LARS1: variants seen among roughly 807,000 people sequenced by gnomAD.
LARS1 encodes the protein leucine--tRNA ligase, cytoplasmic.
Under a neutral mutation model 162.8 loss-of-function variants are expected in LARS1, and 100 were observed. The observed-to-expected ratio is 0.61, with a 90% CI of 0.52 to 0.73. LARS1 has a LOEUF of 0.73. Among genes scored for constraint, LARS1 ranks in the 30% least tolerant of loss-of-function variants. The pLI is 0.00. For missense variants in LARS1, 1,258 were observed against 1,408.9 expected (o/e 0.89, Z 1.71); for synonymous variants, 457 against 462.8 (o/e 0.99, Z 0.16).
At chr5:146,174,571 CATATATGTATATATCCATAT>C (rs1294550391) in intron 2 of LARS1, among the ~76,000 whole-genome samples, 3,810 of 62,374 alleles carry the variant, frequency 0.061, 508 homozygotes, top group Admixed American at 0.085. Flanking sequence ...TATATATATC[CATATATGTATATATCCATAT>C]ATATATATAT....
chr5:146,125,244 T>G (rs1366558898), intron 28 of LARS1, among the ~76,000 whole-genome samples: 1 of 152,032 alleles, frequency 6.6e-6, no homozygotes, highest in Admixed American at 6.6e-5. Context: ...ACAACTTGAT[T>G]AGTGTAGGTC....
At chr5:146,116,696 C>T (rs530638984) in intron 31 of LARS1, among the ~76,000 whole-genome samples, 1 of 152,252 alleles carries the variant, frequency 6.6e-6, no homozygotes, top group Admixed American at 6.5e-5. Flanking sequence ...GCTTTCACTT[C>T]CAAGTTGTTA....
In LARS1 at chr5:146,149,601, A is replaced by G. The variant is rs556011676; in HGVS notation, c.1503+21T>C. 5.0e-5 allele frequency: 78 copies of G among 1,575,452 alleles called. No individual in the cohort carries two copies. The South Asian group carries it at 8.0e-4, about 16-fold the overall frequency. On this transcript the variant is annotated intron_variant, in intron 15 of 31. Coordinates refer to ENST00000394434, the MANE Select transcript of LARS1 (RefSeq NM_020117.11). Reference sequence around the variant, plus strand: ...TAACAGCTCTTCTAAAACAGCCTTCAGAGCATAGCCTATCACATACAGCGT... The same window carrying G: ...TAACAGCTCTTCTAAAACAGCCTTCGGAGCATAGCCTATCACATACAGCGT...
intron 20 of LARS1, among the ~76,000 whole-genome samples, chr5:146,140,866 CACAT>C (rs1410060728): frequency 2.6e-5 from 4 of 152,080 alleles, no homozygotes; most frequent in Non-Finnish European, 2.9e-5. Context: ...TACACACACA[CACAT>C]ATATATACAC....
At chr5:146,181,875 T>TTTTTTTTTTTTC (rs1754879702) in intron 1 of LARS1, among the ~76,000 whole-genome samples, 1 of 109,628 alleles carries the variant, frequency 9.1e-6, no homozygotes, top group African/African-American at 3.4e-5. Context: ...TTTTTTTTTT[T>TTTTTTTTTTTTC]TTTTGCTGTA....
At chr5:146,135,795 G>C (rs7734517) in intron 21 of LARS1, 131 bp from the exon 22 acceptor site, 2 of 598,832 alleles carry the variant, frequency 3.3e-6, no homozygotes, top group Non-Finnish European at 5.6e-6. Context: ...GAAAGGAAAA[G>C]ATATTACACT....
chr5:146,119,373 T>A (rs1311299602), intron 31 of LARS1, among the ~76,000 whole-genome samples: 2 of 152,152 alleles, frequency 1.3e-5, no homozygotes, highest in Non-Finnish European at 2.9e-5. Flanking sequence ...ACAGAATGAA[T>A]TCCCAAGAGC....
At chr5:146,126,573 G>C in intron 27 of LARS1, 28 bp from the exon 28 acceptor site, 1 of 1,513,376 alleles carries the variant, frequency 6.6e-7, no homozygotes, top group Non-Finnish European at 9.2e-7. Flanking sequence ...GGAGAGTAAT[G>C]TAGAAAAAAA....
At position 146,144,357 on chromosome 5, in the gene LARS1, A is replaced by G. The variant is rs373546480; in HGVS notation, c.1656-8T>C. ...CTGGTCTCCTCACAGAATCTAGAAA[A>G]GAGCAAAAGACAAAGTGTATCTTTA... On this transcript the variant is annotated splice_polypyrimidine_tract_variant and splice_region_variant and intron_variant, in intron 17 of 31. Coordinates refer to ENST00000394434, the MANE Select transcript of LARS1 (RefSeq NM_020117.11). 1,663 of 1,609,746 alleles carry G rather than the reference A, an allele frequency of 1.0e-3. 4 individuals are homozygous for G. Among genetic ancestry groups the G allele is most frequent in the Non-Finnish European group, 1.1e-3 (1,292 of 1,178,580 alleles).
Position 146,157,584 on chromosome 5 carries a change from C to G in LARS1, c.884G>C (p.Arg295Thr). The G allele has an allele frequency of 6.2e-7, 1 of 1,614,014 alleles. No individual in the cohort carries two copies. Among genetic ancestry groups the G allele is most frequent in the Non-Finnish European group, 8.5e-7 (1 of 1,180,016 alleles). ...TGTCTGCCCAAACATGGTCTCAGGT[C>G]TGAGAGTAGCAGCCACCAAGAAAAT... ...KNIFLVAATL[R>T]PETMFGQTNC... The change falls in exon 10 of 32, where the codon AGA (arginine) becomes ACA (threonine). Residue 295 changes from arginine (R) to threonine (T), a missense_variant. Physicochemically the swap from Arg to Thr is moderately conservative, Grantham distance 71. Coordinates refer to ENST00000394434, the MANE Select transcript of LARS1 (RefSeq NM_020117.11).
chr5:146,136,250 T>C (rs374592801), intron 21 of LARS1, among the ~76,000 whole-genome samples: 2 of 152,368 alleles, frequency 1.3e-5, no homozygotes, highest in African/African-American at 4.8e-5. Flanking sequence ...TTTTCTATTA[T>C]ACTACATGGC....
chr5:146,160,324 C>G (rs1753724705), intron 7 of LARS1, 50 bp downstream of exon 7: 1 of 1,042,026 alleles, frequency 9.6e-7, no homozygotes, highest in African/African-American at 1.6e-5. Context: ...GCGTGAGCCT[C>G]TGTGCCCAAC....
At chr5:146,116,172 C>T (rs901070351) in intron 31 of LARS1, among the ~76,000 whole-genome samples, 1 of 152,168 alleles carries the variant, frequency 6.6e-6, no homozygotes, top group Non-Finnish European at 1.5e-5. Flanking sequence ...GGGAAGAGAG[C>T]AGGCGCAATC....
At chr5:146,167,694 A>T (rs1166976228) in intron 5 of LARS1, among the ~76,000 whole-genome samples, 1 of 143,868 alleles carries the variant, frequency 7.0e-6, no homozygotes, top group Non-Finnish European at 1.5e-5. Flanking sequence ...ACGCCCGGCT[A>T]ATTTTTTTGT....
chr5:146,132,871 A>G, intron 23 of LARS1, 27 bp downstream of exon 23: 1 of 1,596,254 alleles, frequency 6.3e-7, no homozygotes, highest in African/African-American at 1.3e-5. Flanking sequence ...ACTCTAAAAC[A>G]CAAAATGATT....
Position 146,155,604 on chromosome 5 carries a change from C to T in LARS1, c.1066-1624G>A, listed in dbSNP as rs1011604548. Among the ~76,000 whole-genome samples, 7 of 152,160 alleles carry T rather than the reference C, an allele frequency of 4.6e-5. No homozygotes were observed. In the South Asian group the frequency reaches 1.4e-3, roughly 31 times the overall value. On this transcript the variant is annotated intron_variant, in intron 10 of 31. Coordinates refer to ENST00000394434, the MANE Select transcript of LARS1 (RefSeq NM_020117.11). The stretch of plus-strand genomic sequence containing the variant: ...AGCTAAGGAACACACTTTTCCTTTC[C>T]ACATAATTCCCACCCACCCCTCTTT...
Position 146,151,933 on chromosome 5 carries a change from G to T in LARS1, c.1354C>A (p.Gln452Lys). Residue 452 changes from glutamine (Q) to lysine (K), a missense_variant, in exon 14 of 32, where the codon CAG (glutamine) becomes AAG (lysine). Transcript: ENST00000394434. ...AVTICDELKI[Q>K]SQNDREKLAE... ...AGTTTTTCCCGGTCATTCTGGCTCT[G>T]AATTTTCAACTCATCACAAATGGTT... The T allele has an allele frequency of 6.2e-7, 1 of 1,614,020 alleles. No homozygotes were observed. The highest frequency in any genetic ancestry group is 8.5e-7 in the Non-Finnish European group (1 of 1,179,970).
intron 2 of LARS1, among the ~76,000 whole-genome samples, chr5:146,175,365 C>T (rs1201037721): frequency 1.3e-5 from 2 of 150,710 alleles, no homozygotes; most frequent in African/African-American, 2.4e-5. Flanking sequence ...TGGCAAAACC[C>T]CGTCTCTATT....
intron 15 of LARS1, among the ~76,000 whole-genome samples, chr5:146,149,317 G>A (rs1753165102): frequency 6.6e-6 from 1 of 151,964 alleles, no homozygotes; most frequent in Non-Finnish European, 1.5e-5. Context: ...AGAGGAGGAC[G>A]ACAGAAACAC....
Sources: gnomAD v4.1 joint callset for allele counts (sites outside exome capture counted in the v4.1 genomes callset) on GRCh38, gnomAD v4.1.1 for gene constraint, MANE v1.5 for transcripts, NCBI Gene and HGNC (gene_info 2026-07-23, HGNC 2026-07-21) for gene names.